The following SLC12A6 variants were observed in gnomAD, a reference collection of about 807,000 sequenced individuals.
SLC12A6 encodes the protein solute carrier family 12 member 6.
A neutral mutation model predicts 135.3 loss-of-function variants in SLC12A6; 66 were observed. The observed-to-expected ratio is 0.49, with a 90% CI of 0.40 to 0.60. SLC12A6 has a LOEUF of 0.60. Ranked by LOEUF, SLC12A6 falls within the 20% of genes least tolerant of loss-of-function variation. SLC12A6 has a pLI of 0.00. For missense variants in SLC12A6, 1,058 were observed against 1,452.3 expected (o/e 0.73, Z 4.41); for synonymous variants, 513 against 508.8 (o/e 1.01, Z -0.11).
intron 3 of SLC12A6, among the ~76,000 whole-genome samples, chr15:34,262,982 G>A (rs1595456930): frequency 6.6e-6 from 1 of 152,194 alleles, no homozygotes; most frequent in African/African-American, 2.4e-5. Context: ...GGAGGTCTCT[G>A]GCTGGCAAAG....
At chr15:34,306,071 T>G (rs186565607) in intron 2 of SLC12A6, among the ~76,000 whole-genome samples, 1 of 152,298 alleles carries the variant, frequency 6.6e-6, no homozygotes, top group East Asian at 1.9e-4. Context: ...TCCTCCAGCA[T>G]TTCTATTTAG....
chr15:34,275,822 G>C (rs1894260769), intron 2 of SLC12A6, among the ~76,000 whole-genome samples: 1 of 152,082 alleles, frequency 6.6e-6, no homozygotes, highest in African/African-American at 2.4e-5. Context: ...GATGAACCTT[G>C]AAAACATTAT....
chr15:34,276,148 TA>T (rs1482740888), intron 2 of SLC12A6, among the ~76,000 whole-genome samples: 1 of 151,990 alleles, frequency 6.6e-6, no homozygotes, highest in African/African-American at 2.4e-5. Flanking sequence ...AAAAGTAAAT[TA>T]AAAAAATAAT....
Position 34,299,348 on chromosome 15 carries a change from T to G in SLC12A6, c.272-23959A>C, listed in dbSNP as rs28756788. Among the ~76,000 whole-genome samples, 729 of 152,370 alleles carry G rather than the reference T, an allele frequency of 4.8e-3. 9 individuals carry two copies. The highest frequency in any genetic ancestry group is 0.016 in the African/African-American group (682 of 41,578). ...ACTGTTGGGTATAAGCTGCCTTGTA[T>G]TATCTTTTAATTAATCAACATATTA... On this transcript the variant is annotated intron_variant, in intron 2 of 25. Transcript: ENST00000354181.
At chr15:34,276,334 T>G (rs1894296143) in intron 2 of SLC12A6, among the ~76,000 whole-genome samples, 1 of 152,200 alleles carries the variant, frequency 6.6e-6, no homozygotes, top group Non-Finnish European at 1.5e-5. Flanking sequence ...AGCAGATATA[T>G]TCTAGTAGTT....
chr15:34,320,405 T>G (rs1320473879), intron 2 of SLC12A6, among the ~76,000 whole-genome samples: 1 of 152,024 alleles, frequency 6.6e-6, no homozygotes, highest in Non-Finnish European at 1.5e-5. Context: ...GAGACAAATA[T>G]CACATTTTCA....
intron 2 of SLC12A6, among the ~76,000 whole-genome samples, chr15:34,316,768 G>C (rs991912819): frequency 1.1e-4 from 16 of 152,144 alleles, no homozygotes; most frequent in Admixed American, 9.8e-4. Flanking sequence ...CTTATAATCT[G>C]AAGAAAGCAA....
At chr15:34,249,837 T>TA (rs11436818) in intron 13 of SLC12A6, among the ~76,000 whole-genome samples, 25,356 of 152,210 alleles carry the variant, frequency 0.17, 2,183 homozygotes, top group East Asian at 0.29. Flanking sequence ...ATATATTCAC[T>TA]GAAAATACTG....
In SLC12A6 at chr15:34,254,491, G is replaced by A. The variant is rs1892610430; in HGVS notation, c.975C>T (p.Phe325=). 1.2e-6 allele frequency: 2 copies of A among 1,613,770 alleles called. No individual in the cohort carries two copies. Among genetic ancestry groups the A allele is most frequent in the Non-Finnish European group, 8.5e-7 (1 of 1,179,786 alleles). ...ATACCACTAATACCATAAGGACCAA[G>A]AAAGCTGTGCCGTAGACACGCATGT... ...LNNMRVYGTA[F]LVLMVLVVFI... is the part of the protein sequence containing the mutation. The change falls in exon 9 of 26, where the codon TTC becomes TTT. Residue 325 remains phenylalanine, a synonymous_variant. Coordinates refer to ENST00000354181, the MANE Select transcript of SLC12A6 (RefSeq NM_001365088.1).
chr15:34,324,451 T>A (rs1889329898), intron 2 of SLC12A6, among the ~76,000 whole-genome samples: 1 of 152,174 alleles, frequency 6.6e-6, no homozygotes, highest in Non-Finnish European at 1.5e-5. Flanking sequence ...TAAAACACAT[T>A]ATTTGTGACT....
chr15:34,306,598 T>C (rs1423501315), intron 2 of SLC12A6, among the ~76,000 whole-genome samples: 2 of 152,144 alleles, frequency 1.3e-5, no homozygotes, highest in African/African-American at 2.4e-5. Flanking sequence ...GATTGACAGA[T>C]ACAGGCTGGA....
At chr15:34,249,998 A>G (rs531988394) in intron 13 of SLC12A6, among the ~76,000 whole-genome samples, 1 of 152,288 alleles carries the variant, frequency 6.6e-6, no homozygotes, top group African/African-American at 2.4e-5. Context: ...TTGACTTCCC[A>G]GGCTTAAGTG....
intron 25 of SLC12A6, among the ~76,000 whole-genome samples, chr15:34,234,376 CT>C (rs1640169023): frequency 1.3e-5 from 2 of 151,986 alleles, no homozygotes; most frequent in African/African-American, 4.8e-5. Context: ...TTTTTCTTTT[CT>C]TTCTTTTTTT....
At chr15:34,249,951 C>T (rs1595429540) in intron 13 of SLC12A6, among the ~76,000 whole-genome samples, 1 of 152,198 alleles carries the variant, frequency 6.6e-6, no homozygotes, top group African/African-American at 2.4e-5. Context: ...GTCACCCAGG[C>T]TGGAGTACGG....
chr15:34,300,527 T>C (rs1896169130), intron 2 of SLC12A6, among the ~76,000 whole-genome samples: 1 of 152,110 alleles, frequency 6.6e-6, no homozygotes. Context: ...CTAGGCACAG[T>C]GGCTCATGTC....
In SLC12A6 at chr15:34,254,570, G is replaced by T; in HGVS notation, c.896C>A (p.Ala299Asp). 1 of 1,608,174 alleles carries T rather than the reference G, an allele frequency of 6.2e-7. No homozygotes were observed. Among genetic ancestry groups the T allele is most frequent in the Non-Finnish European group, 8.5e-7 (1 of 1,174,574 alleles). ...EIFLVYIVPR[A>D]AIFHSDDALK... is the part of the protein sequence containing the mutation. Reference sequence around the variant, plus strand: ...TGCGTCATCACTGTGAAAGATGGCAGCTCGGGGGACGATATAGACCTGTTA... The same window carrying T: ...TGCGTCATCACTGTGAAAGATGGCATCTCGGGGGACGATATAGACCTGTTA... Residue 299 changes from alanine to aspartate, a missense_variant, in exon 9 of 26, where the codon GCT becomes GAT. Coordinates refer to ENST00000354181, the MANE Select transcript of SLC12A6 (RefSeq NM_001365088.1).
At chr15:34,236,302 G>A (rs1891259579) in intron 23 of SLC12A6, 103 bp from the exon 24 acceptor site, 3 of 836,476 alleles carry the variant, frequency 3.6e-6, no homozygotes, top group Admixed American at 2.0e-5. Context: ...ATAACTGACA[G>A]AGTGAGAAGG....
chr15:34,317,202 T>C (rs1370867060), intron 2 of SLC12A6, among the ~76,000 whole-genome samples: 1 of 152,180 alleles, frequency 6.6e-6, no homozygotes, highest in Non-Finnish European at 1.5e-5. Context: ...ACATAAAATC[T>C]TTTTTCTGAT....
At chr15:34,337,978 G>A (rs1335273355), upstream of SLC12A6, 1 of 151,922 alleles carries the variant, frequency 6.6e-6, no homozygotes, top group Admixed American at 6.5e-5. Flanking sequence ...AGAGAAGCCC[G>A]GGGGTGCAGT....
Sources: gnomAD v4.1 joint callset for allele counts (sites outside exome capture counted in the v4.1 genomes callset) on GRCh38, gnomAD v4.1.1 for gene constraint, MANE v1.5 for transcripts, NCBI Gene and HGNC (gene_info 2026-07-23, HGNC 2026-07-21) for gene names.